PIWIL1: variants seen among roughly 807,000 people sequenced by gnomAD.
PIWIL1 encodes the protein piwi-like protein 1.
Under a neutral mutation model 114.4 loss-of-function variants are expected in PIWIL1, and 73 were observed. The observed-to-expected ratio is 0.64, with a 90% CI of 0.53 to 0.78. PIWIL1 has a LOEUF of 0.78. PIWIL1 is among the 30% of genes least tolerant of loss of function. PIWIL1 has a pLI of 0.00. For missense variants in PIWIL1, 723 were observed against 1,063.1 expected, an observed-to-expected ratio of 0.68 and a Z score of 4.45; for synonymous variants, 375 against 369.0, an observed-to-expected ratio of 1.02 and a Z score of -0.19.
At chr12:130,365,264 A>G (rs1177332089) in intron 18 of PIWIL1, among the ~76,000 whole-genome samples, 1 of 152,216 alleles carries the variant, frequency 6.6e-6, no homozygotes, top group Non-Finnish European at 1.5e-5. Context: ...TCAGTGGTAA[A>G]AAGCAATATG....
chr12:130,395,931 C>CACTG, the PIWIL1 span, among the ~76,000 whole-genome samples: 8 of 151,780 alleles, frequency 5.3e-5, no homozygotes, highest in Non-Finnish European at 1.2e-4. Flanking sequence ...GACCTTTTGT[C>CACTG]ACTGACTGGA....
the PIWIL1 span, chr12:130,424,156 C>T: frequency 2.1e-4 from 260 of 1,231,560 alleles, no homozygotes; most frequent in Middle Eastern, 6.2e-4. The surrounding 1 kb of genome is among the most constrained non-coding windows in gnomAD (Gnocchi z 9.8). Flanking sequence ...GGGCCTTGTG[C>T]GACTCTGGGA....
Position 130,357,663 on chromosome 12 carries a change from C to T in PIWIL1, c.1665+110C>T, listed in dbSNP as rs139468072. ...CTTTTTTCAAATGTTAATAGGTTCT[C>T]AAACTAGGCACAAAATATGTTTTGT... On this transcript the variant is annotated intron_variant, in intron 14 of 20. Coordinates refer to ENST00000245255, the MANE Select transcript of PIWIL1 (RefSeq NM_004764.5). 814 of 681,064 alleles carry T rather than the reference C, an allele frequency of 1.2e-3. 18 individuals are homozygous for T. The East Asian group carries it at 0.021, about 18-fold the overall frequency. 42.2% of individuals were successfully genotyped at this position (681,064 alleles called of 1,614,324 possible).
chr12:130,418,857 C>A, the PIWIL1 span, among the ~76,000 whole-genome samples: 1 of 152,286 alleles, frequency 6.6e-6, no homozygotes, highest in East Asian at 1.9e-4. Context: ...ATGCAACTGG[C>A]CACACCACGG....
the PIWIL1 span, among the ~76,000 whole-genome samples, chr12:130,377,769 G>T: frequency 6.6e-6 from 1 of 152,238 alleles, no homozygotes; most frequent in African/African-American, 2.4e-5. Flanking sequence ...AGGGCCTGAG[G>T]TACCTTAGCA....
chr12:130,367,237 T>A lies in PIWIL1; in HGVS notation c.2300T>A (p.Val767Glu), dbSNP rs1413480429. The change falls in exon 19 of 21, where the codon GTA becomes GAA. Residue 767 changes from valine (V) to glutamate (E), a missense_variant. By Grantham distance (121) the Val-to-Glu change is moderately radical (BLOSUM62 -2). Transcript: ENST00000245255. ...CCACTTCCTGGAACAGTTATTGATGTAGAGGTTACCAGACCAGAATGGTAA... is the reference window on the plus strand; with the variant it reads ...CCACTTCCTGGAACAGTTATTGATGAAGAGGTTACCAGACCAGAATGGTAA... ...QNPLPGTVID[V>E]EVTRPEWYDF... 2 of 1,613,964 alleles carry A rather than the reference T, an allele frequency of 1.2e-6. No individual in the cohort carries two copies. The highest frequency in any genetic ancestry group is 1.7e-6 in the Non-Finnish European group (2 of 1,179,938).
At chr12:130,417,173 A>G in the PIWIL1 span, among the ~76,000 whole-genome samples, 2 of 152,198 alleles carry the variant, frequency 1.3e-5, no homozygotes, top group African/African-American at 2.4e-5. Context: ...CCACTGTGGA[A>G]AGCAGTTTGG....
intron 18 of PIWIL1, among the ~76,000 whole-genome samples, chr12:130,363,481 A>G (rs2073569451): frequency 1.3e-5 from 2 of 152,180 alleles, no homozygotes; most frequent in Non-Finnish European, 2.9e-5. Flanking sequence ...CATTATTGAA[A>G]TAAGTGTTCC....
chr12:130,347,699 G>T (rs2073105319), intron 6 of PIWIL1, among the ~76,000 whole-genome samples: 1 of 152,092 alleles, frequency 6.6e-6, no homozygotes, highest in Non-Finnish European at 1.5e-5. Context: ...CTAAACGAGG[G>T]GTTGGCAAAC....
At chr12:130,363,362 T>C (rs1290761577) in intron 18 of PIWIL1, among the ~76,000 whole-genome samples, 6 of 152,136 alleles carry the variant, frequency 3.9e-5, no homozygotes, top group Non-Finnish European at 7.4e-5. Flanking sequence ...CTTCACAGAA[T>C]GGGACAGTAA....
the PIWIL1 span, chr12:130,414,685 T>A: frequency 5.9e-6 from 1 of 170,474 alleles, no homozygotes. Context: ...CAGCCCACGT[T>A]TAAAATGTTT....
At chr12:130,348,270 C>A in intron 7 of PIWIL1, 87 bp downstream of exon 7, 1 of 706,800 alleles carries the variant, frequency 1.4e-6, no homozygotes, top group Non-Finnish European at 2.4e-6. Context: ...GTCAAATTTA[C>A]TACAGTGACT....
At chr12:130,365,102 C>T (rs1395238670) in intron 18 of PIWIL1, among the ~76,000 whole-genome samples, 1 of 152,156 alleles carries the variant, frequency 6.6e-6, no homozygotes, top group Non-Finnish European at 1.5e-5. Flanking sequence ...AGAGTGGACC[C>T]TGGTGCAGCT....
the PIWIL1 span, among the ~76,000 whole-genome samples, chr12:130,413,601 C>T: frequency 7.2e-6 from 1 of 139,204 alleles, no homozygotes; most frequent in Non-Finnish European, 1.5e-5. Context: ...CCACTGTACT[C>T]CAGCCTGGGT....
the PIWIL1 span, chr12:130,397,323 A>C: frequency 4.5e-5 from 18 of 398,726 alleles, no homozygotes; most frequent in Non-Finnish European, 8.0e-5. Context: ...AATTAAAGAA[A>C]ATTACATAGA....
the PIWIL1 span, chr12:130,412,529 G>C: frequency 9.4e-6 from 11 of 1,168,886 alleles, no homozygotes; most frequent in Admixed American, 2.0e-4. Context: ...ATGCAATTTG[G>C]GGTCTCCTCA....
chr12:130,426,017 C>G, the PIWIL1 span: 2 of 152,302 alleles, frequency 1.3e-5, no homozygotes, highest in African/African-American at 2.4e-5. Context: ...AGCACATCAG[C>G]TAATATTGGA....
chr12:130,424,616 C>T, the PIWIL1 span: 82 of 1,231,890 alleles, frequency 6.7e-5, no homozygotes, highest in African/African-American at 8.2e-4. The surrounding 1 kb of genome is among the most constrained non-coding windows in gnomAD (Gnocchi z 9.8). Context: ...TGTGCTTCAC[C>T]GGGAACCAGG....
the PIWIL1 span, among the ~76,000 whole-genome samples, chr12:130,385,545 C>T: frequency 1.4e-3 from 218 of 152,264 alleles, no homozygotes; most frequent in African/African-American, 4.9e-3. Context: ...TGCAGTTTAA[C>T]CTGTTTTCCT....
Sources: gnomAD v4.1 joint callset for allele counts (sites outside exome capture counted in the v4.1 genomes callset) on GRCh38, gnomAD v4.1.1 for gene constraint, Gnocchi (gnomAD v3.1) non-coding constraint, MANE v1.5 for transcripts, NCBI Gene and HGNC (gene_info 2026-07-23, HGNC 2026-07-21) for gene names.